The following SETD3 variants were observed in gnomAD, a reference collection of about 807,000 sequenced individuals.
The protein encoded by SETD3 is actin-histidine N-methyltransferase.
SETD3 carries 19 observed loss-of-function variants against 63.0 expected under a neutral mutation model. That is an observed-to-expected ratio of 0.30 (90% CI 0.21 to 0.44). The LOEUF is 0.44. SETD3 is among the 20% of genes least tolerant of loss of function. The pLI, the probability that SETD3 is intolerant of heterozygous loss-of-function variation, is 1.00. For missense variants in SETD3, 587 were observed against 728.5 expected, an observed-to-expected ratio of 0.81 and a Z score of 2.24; for synonymous variants, 286 against 264.1, an observed-to-expected ratio of 1.08 and a Z score of -0.80.
At chr14:99,412,846 G>C in intron 8 of SETD3, 105 bp downstream of exon 8, 1 of 777,218 alleles carries the variant, frequency 1.3e-6, no homozygotes, top group South Asian at 1.6e-5. Context: ...TTTGGAGGGA[G>C]GCAACGGGGG....
chr14:99,472,674 A>AT (rs1895766658), intron 1 of SETD3, among the ~76,000 whole-genome samples: 1 of 152,240 alleles, frequency 6.6e-6, no homozygotes, highest in Non-Finnish European at 1.5e-5. Flanking sequence ...TGAATTAATT[A>AT]TATGTGCATA....
chr14:99,458,755 T>G (rs1037932280), intron 5 of SETD3, among the ~76,000 whole-genome samples: 3 of 105,080 alleles, frequency 2.9e-5, no homozygotes, highest in Admixed American at 2.7e-4. Context: ...CTGGGCAATA[T>G]AGCAAAACCC....
At chr14:99,439,965 T>A (rs988371060) in intron 6 of SETD3, among the ~76,000 whole-genome samples, 4 of 144,780 alleles carry the variant, frequency 2.8e-5, no homozygotes, top group African/African-American at 1.0e-4. Context: ...TCTTTCTGTA[T>A]TTTTTTTTTT....
chr14:99,405,773 A>C (rs914007619), intron 9 of SETD3, among the ~76,000 whole-genome samples: 1 of 152,236 alleles, frequency 6.6e-6, no homozygotes, highest in Non-Finnish European at 1.5e-5. Flanking sequence ...CTTTTAATAC[A>C]GCAGGGTCTC....
At chr14:99,410,558 G>A (rs952471488) in intron 8 of SETD3, among the ~76,000 whole-genome samples, 7 of 152,052 alleles carry the variant, frequency 4.6e-5, no homozygotes, top group East Asian at 3.8e-4. Flanking sequence ...CATATCAACC[G>A]AAAAATCCTC....
rs1174903911 is a variant in SETD3, at chr14:99,398,615, C to T, written c.*64G>A. 6 of 1,388,534 alleles carry T rather than the reference C, an allele frequency of 4.3e-6. No individual in the cohort carries two copies. The highest frequency in any genetic ancestry group is 2.6e-5 in the South Asian group (2 of 77,352). 86.0% of individuals were successfully genotyped at this position (1,388,534 alleles called of 1,614,324 possible). ...GAAAAATGTTAACAAGGAAACACAGCGATGTGAACGGACTGTCCGTCAACT... is the reference window on the plus strand; with the variant it reads ...GAAAAATGTTAACAAGGAAACACAGTGATGTGAACGGACTGTCCGTCAACT... On this transcript the variant is annotated 3_prime_UTR_variant, in exon 13 of 13. Coordinates refer to ENST00000331768, the MANE Select transcript of SETD3 (RefSeq NM_032233.3).
chr14:99,465,547 C>A (rs1317090108), intron 2 of SETD3, among the ~76,000 whole-genome samples, 156 bp downstream of exon 2: 1 of 152,180 alleles, frequency 6.6e-6, no homozygotes, highest in Non-Finnish European at 1.5e-5. Flanking sequence ...GTGAGGACTG[C>A]AAGCCTGGGA....
chr14:99,400,265 A>C lies in SETD3; in HGVS notation c.1178-6T>G. On this transcript the variant is annotated splice_region_variant and splice_polypyrimidine_tract_variant and intron_variant, in intron 11 of 12. Transcript: ENST00000331768. ...CAAGTGTTCTTTCAGTTCTTCTACA[A>C]GAAATACAAATGGCAATCTGTTAGG... The C allele has an allele frequency of 1.9e-6, 3 of 1,609,078 alleles. No individual in the cohort carries two copies. Among genetic ancestry groups the C allele is most frequent in the Non-Finnish European group, 2.5e-6 (3 of 1,178,096 alleles).
chr14:99,466,624 G>A (rs1387607220), intron 1 of SETD3, among the ~76,000 whole-genome samples: 239 of 152,034 alleles, frequency 1.6e-3, no homozygotes, highest in African/African-American at 5.6e-3. Flanking sequence ...ATGGCGGGGG[G>A]GGGGGGGGGC....
chr14:99,483,763 A>G (rs1566745028), upstream of SETD3, among the ~76,000 whole-genome samples: 1 of 152,244 alleles, frequency 6.6e-6, no homozygotes, highest in African/African-American at 2.4e-5. Context: ...ACCAAACCCG[A>G]AATGTTGATT....
At chr14:99,460,459 CAT>C (rs1895008123) in intron 4 of SETD3, among the ~76,000 whole-genome samples, 1 of 152,162 alleles carries the variant, frequency 6.6e-6, no homozygotes, top group East Asian at 1.9e-4. Context: ...GCCCTCCCCA[CAT>C]GTGGCCTGCC....
At chr14:99,425,011 C>G (rs915730081) in intron 6 of SETD3, among the ~76,000 whole-genome samples, 1 of 152,080 alleles carries the variant, frequency 6.6e-6, no homozygotes, top group African/African-American at 2.4e-5. Context: ...GGACACGGGG[C>G]TTCGGAGGGT....
Position 99,406,608 on chromosome 14 carries a change from A to G in SETD3, c.850-18T>C, listed in dbSNP as rs777016667. The G allele has an allele frequency of 3.2e-5, 52 of 1,612,138 alleles. 1 individual carries two copies. In the South Asian group the frequency reaches 5.7e-4, roughly 18 times the overall value. ...GTAGTGATCTAGCCCGGGGAGGAGG[A>G]AGGAAATGATGGTGAGGCAAACACA... On this transcript the variant is annotated intron_variant, in intron 8 of 12. Transcript: ENST00000331768.
chr14:99,483,492 G>T (rs1428859591), upstream of SETD3, among the ~76,000 whole-genome samples: 1 of 152,248 alleles, frequency 6.6e-6, no homozygotes, highest in African/African-American at 2.4e-5. Context: ...CAAGGCTGCA[G>T]TGAGCCGTGA....
At chr14:99,406,478 T>C in intron 9 of SETD3, 38 bp downstream of exon 9, 1 of 1,596,770 alleles carries the variant, frequency 6.3e-7, no homozygotes, top group Non-Finnish European at 8.6e-7. Context: ...TAGTGCCCAC[T>C]GGCTGGCTCA....
chr14:99,450,674 A>G (rs2139750321), intron 6 of SETD3, among the ~76,000 whole-genome samples: 1 of 152,392 alleles, frequency 6.6e-6, no homozygotes, highest in East Asian at 1.9e-4. Flanking sequence ...AATTCATGGC[A>G]GTTGATACAC....
At chr14:99,470,905 C>T (rs948956219) in intron 1 of SETD3, among the ~76,000 whole-genome samples, 3 of 152,204 alleles carry the variant, frequency 2.0e-5, no homozygotes, top group Admixed American at 2.0e-4. Context: ...CACATCCCAC[C>T]TTCCCTCAGC....
intron 6 of SETD3, among the ~76,000 whole-genome samples, chr14:99,430,919 AATCT>A (rs1893139276): frequency 6.6e-6 from 1 of 152,210 alleles, no homozygotes; most frequent in Admixed American, 6.5e-5. Context: ...AATCAGCTCT[AATCT>A]AACAGTAACA....
At chr14:99,450,492 G>C (rs1379565178) in intron 6 of SETD3, among the ~76,000 whole-genome samples, 1 of 152,228 alleles carries the variant, frequency 6.6e-6, no homozygotes, top group Non-Finnish European at 1.5e-5. Context: ...GAGACAGGCT[G>C]CAGCAACAGT....
Sources: gnomAD v4.1 joint callset for allele counts (sites outside exome capture counted in the v4.1 genomes callset) on GRCh38, gnomAD v4.1.1 for gene constraint, MANE v1.5 for transcripts, NCBI Gene and HGNC (gene_info 2026-07-23, HGNC 2026-07-21) for gene names.